The following ARHGAP42 variants were observed in gnomAD, a reference collection of about 807,000 sequenced individuals.
The protein encoded by ARHGAP42 is Rho GTPase activating protein 42.
Under a neutral mutation model 125.0 loss-of-function variants are expected in ARHGAP42, and 63 were observed. The observed-to-expected ratio is 0.50, with a 90% CI of 0.41 to 0.62. The LOEUF is 0.62. Among genes scored for constraint, ARHGAP42 ranks in the 20% least tolerant of loss-of-function variants. The pLI is 0.00. For synonymous variants in ARHGAP42, 339 were observed against 351.0 expected (o/e 0.97, Z 0.38); for missense variants, 766 against 1,024.2 (o/e 0.75, Z 3.44).
chr11:100,842,151 G>A (rs868531744), intron 3 of ARHGAP42, among the ~76,000 whole-genome samples: 33 of 152,208 alleles, frequency 2.2e-4, no homozygotes, highest in African/African-American at 5.8e-4. Context: ...CACCCGAAAG[G>A]TTATGACAAA....
chr11:100,806,324 C>T (rs1246421037), intron 3 of ARHGAP42, among the ~76,000 whole-genome samples: 1 of 152,178 alleles, frequency 6.6e-6, no homozygotes, highest in Admixed American at 6.5e-5. Flanking sequence ...TTTTGCCGTA[C>T]ATCTTTGCTT....
At chr11:100,751,140 T>C (rs888562159) in intron 1 of ARHGAP42, among the ~76,000 whole-genome samples, 13 of 151,976 alleles carry the variant, frequency 8.6e-5, no homozygotes, top group African/African-American at 3.1e-4. Context: ...GGTTTTACCA[T>C]GTTGGCCAGG....
intron 4 of ARHGAP42, among the ~76,000 whole-genome samples, chr11:100,884,636 A>AT (rs1370492142): frequency 6.6e-6 from 1 of 152,094 alleles, no homozygotes; most frequent in Non-Finnish European, 1.5e-5. Flanking sequence ...TTCGTGGCAC[A>AT]TTTCCTGATA....
intron 2 of ARHGAP42, among the ~76,000 whole-genome samples, chr11:100,777,672 A>G (rs1290123977): frequency 6.6e-6 from 1 of 152,224 alleles, no homozygotes; most frequent in Non-Finnish European, 1.5e-5. Flanking sequence ...TTCAGGTTAA[A>G]AATCATAACT....
intron 3 of ARHGAP42, among the ~76,000 whole-genome samples, chr11:100,802,430 T>TC (rs998068651): frequency 2.1e-4 from 32 of 149,414 alleles, no homozygotes; most frequent in Non-Finnish European, 2.8e-4. Flanking sequence ...CTTTCTTTTT[T>TC]TTTTTTTTTT....
intron 17 of ARHGAP42, among the ~76,000 whole-genome samples, chr11:100,968,134 G>A (rs549894306): frequency 3.4e-4 from 52 of 152,214 alleles, no homozygotes; most frequent in African/African-American, 1.2e-3. Flanking sequence ...TTTGGTTACT[G>A]TTTGCATGAT....
intron 2 of ARHGAP42, among the ~76,000 whole-genome samples, chr11:100,777,005 G>A (rs1397725151): frequency 1.4e-5 from 2 of 147,542 alleles, no homozygotes; most frequent in African/African-American, 2.5e-5. Context: ...AAAAAAACAC[G>A]AAGAGCATGT....
chr11:100,992,262 T>A lies in ARHGAP42; in HGVS notation c.*3461T>A. On this transcript the variant is annotated 3_prime_UTR_variant, in exon 24 of 24. Coordinates refer to ENST00000298815, the MANE Select transcript of ARHGAP42 (RefSeq NM_152432.4). The stretch of plus-strand genomic sequence containing the variant: ...GAGGCAGACCAATTTAGGGAACAGA[T>A]TTTGTTCTTTGCTTTTATGATACAT... The A allele has an allele frequency of 6.5e-7, 1 of 1,537,792 alleles. No individual in the cohort carries two copies.
At chr11:100,795,283 T>G (rs1863683068) in intron 3 of ARHGAP42, 117 bp downstream of exon 3, 1 of 609,700 alleles carries the variant, frequency 1.6e-6, no homozygotes, top group African/African-American at 1.9e-5. Flanking sequence ...ACACGTCTAC[T>G]AATTTTTACA....
chr11:100,742,842 T>C (rs1862217489), intron 1 of ARHGAP42, among the ~76,000 whole-genome samples: 1 of 152,206 alleles, frequency 6.6e-6, no homozygotes, highest in Non-Finnish European at 1.5e-5. Context: ...CTTTTTCTAC[T>C]GTTGTTCCTT....
intron 7 of ARHGAP42, 49 bp from the exon 8 acceptor site, chr11:100,936,154 A>C (rs1342212519): frequency 6.5e-7 from 1 of 1,545,602 alleles, no homozygotes; most frequent in Non-Finnish European, 8.7e-7. Flanking sequence ...GATGTTGCTG[A>C]AACTTGGTAG....
intron 3 of ARHGAP42, among the ~76,000 whole-genome samples, chr11:100,835,294 A>G (rs12161754): frequency 0.31 from 46,847 of 151,904 alleles, 7,362 homozygotes; most frequent in Non-Finnish European, 0.33. Flanking sequence ...CCAGCATTTT[A>G]TATTCTGTAT....
chr11:100,975,025 A>G (rs557834), intron 19 of ARHGAP42, among the ~76,000 whole-genome samples: 52,214 of 151,992 alleles, frequency 0.34, 10,708 homozygotes, highest in East Asian at 0.99. Flanking sequence ...AAAAGAAACA[A>G]CACACATTAT....
chr11:100,901,181 G>T (rs1866535350), intron 4 of ARHGAP42, among the ~76,000 whole-genome samples: 1 of 152,158 alleles, frequency 6.6e-6, no homozygotes, highest in Non-Finnish European at 1.5e-5. Flanking sequence ...TTTGCTGGAG[G>T]TCCACTCCAG....
intron 16 of ARHGAP42, among the ~76,000 whole-genome samples, chr11:100,964,633 G>C (rs1370696907): frequency 6.6e-6 from 1 of 152,190 alleles, no homozygotes; most frequent in Non-Finnish European, 1.5e-5. Flanking sequence ...GTAAGAGAAT[G>C]TTAAGTGAAG....
At chr11:100,917,015 TTGTGTGTGTGTGTGTGTGTG>T (rs6144479) in intron 5 of ARHGAP42, among the ~76,000 whole-genome samples, 2 of 149,618 alleles carry the variant, frequency 1.3e-5, no homozygotes, top group Non-Finnish European at 3.0e-5. Context: ...TAAAATAAGT[TTGTGTGTGTGTGTGTGTGTG>T]TGTGTGTGTG....
At chr11:100,779,557 C>CGTATACATACGTATAT (rs1565210737) in intron 2 of ARHGAP42, among the ~76,000 whole-genome samples, 6 of 137,800 alleles carry the variant, frequency 4.4e-5, no homozygotes, top group Non-Finnish European at 7.6e-5. Flanking sequence ...TATACATATA[C>CGTATACATACGTATAT]ATACGTATAT....
At chr11:100,948,916 T>G (rs76046440) in intron 11 of ARHGAP42, among the ~76,000 whole-genome samples, 44 of 152,268 alleles carry the variant, frequency 2.9e-4, no homozygotes, top group African/African-American at 9.1e-4. Flanking sequence ...GGGTAAGAAC[T>G]GATTCTCTAA....
chr11:100,988,635 G>C, intron 23 of ARHGAP42, 78 bp from the exon 24 acceptor site: 2 of 1,168,980 alleles, frequency 1.7e-6, no homozygotes, highest in Non-Finnish European at 2.4e-6. Context: ...AATCCGATGT[G>C]GGTGTTTAAC....
Sources: allele counts gnomAD v4.1 joint callset (sites outside exome capture counted in the v4.1 genomes callset), GRCh38; gene constraint gnomAD v4.1.1; transcripts MANE v1.5; gene names NCBI Gene and HGNC (gene_info 2026-07-23, HGNC 2026-07-21).